Variants in MMP13 observed in about 807,000 individuals in gnomAD.
MMP13 encodes matrix metallopeptidase 13, also known as collagenase 3.
In MMP13, 45 loss-of-function variants were observed where a neutral mutation model predicts 52.1. That is an observed-to-expected ratio of 0.86 (90% confidence interval 0.68 to 1.11). The LOEUF is 1.11. Ranked by LOEUF, MMP13 falls within the 50% of genes least tolerant of loss-of-function variation. The pLI, the probability that MMP13 is intolerant of heterozygous loss-of-function variation, is 0.00. For missense variants in MMP13, 576 were observed against 583.8 expected (o/e 0.99, Z 0.14); for synonymous variants, 200 against 204.4 (o/e 0.98, Z 0.18).
rs1191689993 is a variant in MMP13 at position 102,943,324 on chromosome 11, T to C, written c.*942A>G. The C allele has an allele frequency of 6.6e-6, 1 of 152,220 alleles. No individual in the cohort carries two copies. Among genetic ancestry groups the C allele is most frequent in the Non-Finnish European group, 1.5e-5 (1 of 68,044 alleles). 9.4% of individuals were successfully genotyped at this position (152,220 alleles called of 1,614,324 possible). ...ATACATACTTCCACTTTATAAGATA[T>C]ATTTTATTTCATGCTATACAAGTCT... is the stretch of plus-strand genomic sequence containing the variant. On this transcript the variant is annotated 3_prime_UTR_variant, in exon 10 of 10. Transcript: ENST00000260302.
chr11:102,950,808 T>C (rs1860599752), intron 5 of MMP13, among the ~76,000 whole-genome samples: 1 of 152,174 alleles, frequency 6.6e-6, no homozygotes, highest in Non-Finnish European at 1.5e-5. Flanking sequence ...TATATAATAA[T>C]AATAATCCTA....
In MMP13 at chr11:102,955,485, C is replaced by T. The variant is rs751621886; in HGVS notation, c.129G>A (p.Leu43=). 17 of 1,613,986 alleles carry T rather than the reference C, an allele frequency of 1.1e-5. No homozygotes were observed. Among genetic ancestry groups the T allele is most frequent in the Non-Finnish European group, 1.4e-5 (16 of 1,179,936 alleles). Residue 43 remains leucine, a synonymous_variant, in exon 2 of 10, where the codon CTG becomes CTA. Coordinates refer to ENST00000260302, the MANE Select transcript of MMP13 (RefSeq NM_002427.4). This position sits in a 1 kb window ranked among gnomAD's most constrained non-coding sequence, Gnocchi z 4.9. ...EEDLQFAERY[L]RSYYHPTNLA... ...GATTTGTAGGATGGTAGTATGATCTCAGGTAGCGCTAGAAAAGACACCAAA... is the reference window on the plus strand; with the variant it reads ...GATTTGTAGGATGGTAGTATGATCTTAGGTAGCGCTAGAAAAGACACCAAA...
At chr11:102,951,232 T>A (rs1252252719) in intron 5 of MMP13, among the ~76,000 whole-genome samples, 3 of 152,060 alleles carry the variant, frequency 2.0e-5, no homozygotes, top group Admixed American at 6.6e-5. Context: ...ACTTGAGAGG[T>A]TTCTACTGTG....
chr11:102,954,242 AGGC>A lies in MMP13; in HGVS notation c.548_550del (p.Gly183_Leu184delinsVal). On this transcript the variant is annotated inframe_deletion, in exon 4 of 10. Transcript: ENST00000260302. ...CCCAGGAGGAAAAGCATGAGCCAGCAGGCCAGAGGGCCCATCAAATGGGTAGAA... is the reference window on the plus strand; with the variant it reads ...CCCAGGAGGAAAAGCATGAGCCAGCACAGAGGGCCCATCAAATGGGTAGAA... 1 of 1,613,752 alleles carries A rather than the reference AGGC, an allele frequency of 6.2e-7. No individual in the cohort carries two copies. The highest frequency in any genetic ancestry group is 8.5e-7 in the Non-Finnish European group (1 of 1,179,766).
chr11:102,954,537 A>T lies in MMP13; in HGVS notation c.432T>A (p.Val144=), dbSNP rs1860666234. The T allele has an allele frequency of 6.2e-7, 1 of 1,613,582 alleles. No homozygotes were observed. Among genetic ancestry groups the T allele is most frequent in the Non-Finnish European group, 8.5e-7 (1 of 1,179,732 alleles). ...AATTCAGAGGAGTTACATCGGACCA[A>T]ACTTTGAAGGCTTTTTTGAATGCCT... ...VEKAFKKAFK[V]WSDVTPLNFT... Residue 144 remains valine, a synonymous_variant, in exon 3 of 10, where the codon GTT becomes GTA. Coordinates refer to ENST00000260302, the MANE Select transcript of MMP13 (RefSeq NM_002427.4).
At position 102,955,415 on chromosome 11, in the gene MMP13, T is replaced by A. The variant is rs1362084127; in HGVS notation, c.199A>T (p.Arg67Trp). ...AAGAAAGACTGCATTTCTCGGAGCC[T>A]CTCAGTCATGGAGCTTGCTGCATTC... ...KENAASSMTE[R>W]LREMQSFFGL... is the part of the protein sequence containing the mutation. The change falls in exon 2 of 10, where the codon AGG becomes TGG. Residue 67 changes from arginine (R) to tryptophan (W), a missense_variant. Transcript: ENST00000260302. This position sits in a 1 kb window ranked among gnomAD's most constrained non-coding sequence, Gnocchi z 4.9. The A allele has an allele frequency of 6.2e-7, 1 of 1,613,936 alleles. No individual in the cohort carries two copies. Among genetic ancestry groups the A allele is most frequent in the Non-Finnish European group, 8.5e-7 (1 of 1,179,954 alleles).
chr11:102,955,524 A>G lies in MMP13; in HGVS notation c.121-31T>C. On this transcript the variant is annotated intron_variant, in intron 1 of 9. Transcript: ENST00000260302. The surrounding 1 kb of genome is among the most constrained non-coding windows in gnomAD (Gnocchi z 4.9). ...AAAGACACCAAAATGAACTGCGTTTAAAAGAGAAGGACATTTCTGAGATGT... is the reference window on the plus strand; with the variant it reads ...AAAGACACCAAAATGAACTGCGTTTGAAAGAGAAGGACATTTCTGAGATGT... The G allele has an allele frequency of 2.5e-6, 4 of 1,614,068 alleles. No homozygotes were observed. Among genetic ancestry groups the G allele is most frequent in the Non-Finnish European group, 3.4e-6 (4 of 1,179,930 alleles).
intron 5 of MMP13, among the ~76,000 whole-genome samples, chr11:102,951,777 T>C (rs782022362): frequency 6.6e-6 from 1 of 152,174 alleles, no homozygotes; most frequent in African/African-American, 2.4e-5. Flanking sequence ...CTGTCCAGCA[T>C]ATTACTGTTC....
rs571388667 is a variant in MMP13, at chr11:102,951,492, C to A, written c.799+520G>T. 6.6e-5 allele frequency among the ~76,000 whole-genome samples: 10 copies of A among 152,144 alleles called. No homozygotes were observed. In the South Asian group the frequency reaches 2.1e-3, roughly 32 times the overall value. ...TCTGCAAAAATTTGGAGAATGAAAT[C>A]TTTTCTATTTGAGTGGGTAGTTAGA... On this transcript the variant is annotated intron_variant, in intron 5 of 9. Transcript: ENST00000260302.
Position 102,954,181 on chromosome 11 carries a change from A to G in MMP13, c.612T>C (p.Asp204=). The G allele has an allele frequency of 6.2e-7, 1 of 1,613,576 alleles. No individual in the cohort carries two copies. Among genetic ancestry groups the G allele is most frequent in the South Asian group, 1.1e-5 (1 of 91,068 alleles). Residue 204 remains aspartate, a synonymous_variant, in exon 4 of 10, where the codon GAT becomes GAC. Transcript: ENST00000260302. ...CTTTGGAACTACTTGTCCAGGTTTC[A>G]TCATCATCAAAATGGGCATCTCCTC... ...NYGGDAHFDD[D]ETWTSSSKGY...
chr11:102,947,958 T>A lies in MMP13; in HGVS notation c.1144A>T (p.Ile382Leu). The A allele has an allele frequency of 1.9e-6, 3 of 1,614,026 alleles. No homozygotes were observed. The South Asian group carries it at 3.3e-5, about 18-fold the overall frequency. ...TCCTCAAAGTGAACAGCTGCACTTATCTTCTTAACTTCTTTTGGAAGACCC... is the reference window on the plus strand; with the variant it reads ...TCCTCAAAGTGAACAGCTGCACTTAACTTCTTAACTTCTTTTGGAAGACCC... Reference protein sequence around the residue: ...ELGLPKEVKKISAAVHFEDTG... With the variant: ...ELGLPKEVKKLSAAVHFEDTG... Residue 382 changes from isoleucine to leucine, a missense_variant, in exon 8 of 10, where the codon ATA becomes TTA. Transcript: ENST00000260302.
chr11:102,954,137 T>C lies in MMP13; in HGVS notation c.637+19A>G, dbSNP rs1266609061. The C allele has an allele frequency of 1.2e-6, 2 of 1,612,668 alleles. No individual in the cohort carries two copies. Among genetic ancestry groups the C allele is most frequent in the Non-Finnish European group, 1.7e-6 (2 of 1,179,120 alleles). On this transcript the variant is annotated intron_variant, in intron 4 of 9. Coordinates refer to ENST00000260302, the MANE Select transcript of MMP13 (RefSeq NM_002427.4). ...CTAATCTAATAACACATAAATGATATCTTTATAAGAAACATTACCTTTGGA... is the reference window on the plus strand; with the variant it reads ...CTAATCTAATAACACATAAATGATACCTTTATAAGAAACATTACCTTTGGA...
At position 102,944,195 on chromosome 11, in the gene MMP13, C is replaced by G. The variant is rs782461177; in HGVS notation, c.*71G>C. On this transcript the variant is annotated 3_prime_UTR_variant, in exon 10 of 10. Coordinates refer to ENST00000260302, the MANE Select transcript of MMP13 (RefSeq NM_002427.4). ...CTTTCTCCTGATAGCTCTTCTTCCC[C>G]TACCCCGCACTTCTGGAAGTATTAC... The G allele has an allele frequency of 3.7e-5, 42 of 1,140,272 alleles. No homozygotes were observed. In the South Asian group the frequency reaches 4.7e-4, roughly 13 times the overall value. 70.6% of individuals were successfully genotyped at this position (1,140,272 alleles called of 1,614,324 possible). A position where few individuals can be genotyped will look rare whatever the true frequency, so the allele number is the denominator to read the frequency against.
chr11:102,951,884 C>G, intron 5 of MMP13, 128 bp downstream of exon 5: 1 of 929,152 alleles, frequency 1.1e-6, no homozygotes, highest in Non-Finnish European at 1.7e-6. Context: ...TATTATGAAA[C>G]CTTTGTCATG....
In MMP13 at chr11:102,950,210, G is replaced by C. The variant is rs782083671; in HGVS notation, c.817C>G (p.Pro273Ala). The change falls in exon 6 of 10, where the codon CCC becomes GCC. Residue 273 changes from proline (P) to alanine (A), a missense_variant. Physicochemically the swap from Pro to Ala is conservative, Grantham distance 27. Transcript: ENST00000260302. ...QSLYGPGDED[P>A]NPKHPKTPDK... ...GGCGTTTTTGGATGTTTAGGGTTGGGGTCTTCATCTCCTGGACCTGTAGTC... is the reference window on the plus strand; with the variant it reads ...GGCGTTTTTGGATGTTTAGGGTTGGCGTCTTCATCTCCTGGACCTGTAGTC... The C allele has an allele frequency of 1.9e-6, 3 of 1,613,348 alleles. No homozygotes were observed. Among genetic ancestry groups the C allele is most frequent in the Non-Finnish European group, 2.5e-6 (3 of 1,179,488 alleles).
chr11:102,948,999 TG>T, intron 7 of MMP13, 25 bp downstream of exon 7: 1 of 1,613,422 alleles, frequency 6.2e-7, no homozygotes, highest in Non-Finnish European at 8.5e-7. Context: ...TGGTCTTGTG[TG>T]AGGACTCCTC....
chr11:102,950,091 G>A lies in MMP13; in HGVS notation c.917+19C>T. ...GATGTTTGTCGCATACAGACTTTAT[G>A]AAAGAATCTCAAGAGTACCTGTCTT... On this transcript the variant is annotated intron_variant, in intron 6 of 9. Coordinates refer to ENST00000260302, the MANE Select transcript of MMP13 (RefSeq NM_002427.4). 1 of 1,572,902 alleles carries A rather than the reference G, an allele frequency of 6.4e-7. No individual in the cohort carries two copies. The highest frequency in any genetic ancestry group is 1.1e-5 in the South Asian group (1 of 90,276).
At position 102,950,255 on chromosome 11, in the gene MMP13, T is replaced by C. The variant is rs367735577; in HGVS notation, c.800-28A>G. 133 of 1,532,378 alleles carry C rather than the reference T, an allele frequency of 8.7e-5. No individual in the cohort carries two copies. In the African/African-American group the frequency reaches 1.3e-3, roughly 15 times the overall value. The allele number at this position is 1,532,378 out of a possible 1,614,324, so 94.9% of individuals were successfully genotyped here. ...GTAGTCGTGAAAGGCAAGAGAGAAG[T>C]TATGAGTGTGACATTACTGATAACC... On this transcript the variant is annotated intron_variant, in intron 5 of 9. Coordinates refer to ENST00000260302, the MANE Select transcript of MMP13 (RefSeq NM_002427.4).
intron 8 of MMP13, among the ~76,000 whole-genome samples, chr11:102,947,609 T>G (rs1860532646): frequency 6.6e-6 from 1 of 150,478 alleles, no homozygotes; most frequent in South Asian, 2.1e-4. Context: ...CCAAAGATGG[T>G]TGAGAGGCAC....
Sources: allele counts gnomAD v4.1 joint callset (sites outside exome capture counted in the v4.1 genomes callset), GRCh38; gene constraint gnomAD v4.1.1; non-coding constraint Gnocchi (gnomAD v3.1); transcripts MANE v1.5; gene names NCBI Gene and HGNC (gene_info 2026-07-23, HGNC 2026-07-21).